TGFBR3: variants seen among roughly 807,000 people sequenced by gnomAD.
TGFBR3 encodes the protein transforming growth factor beta receptor 3.
In TGFBR3, 46 loss-of-function variants were observed where a neutral mutation model predicts 87.9. The ratio of observed to expected loss-of-function variants is 0.52; its 90% CI spans 0.41 to 0.67. TGFBR3 has a LOEUF of 0.67. Among genes scored for constraint, TGFBR3 ranks in the 30% least tolerant of loss-of-function variants. The probability of loss-of-function intolerance (pLI) is 0.00; values close to 1 mark genes in which losing one functional copy is unlikely to be tolerated. For synonymous variants in TGFBR3, 381 were observed against 391.6 expected, an observed-to-expected ratio of 0.97 and a Z score of 0.32; for missense variants, 866 against 1,041.9, an observed-to-expected ratio of 0.83 and a Z score of 2.32.
intron 16 of TGFBR3, among the ~76,000 whole-genome samples, chr1:91,685,314 CCTTT>C (rs1321208468): frequency 1.4e-5 from 2 of 139,282 alleles, no homozygotes; most frequent in Admixed American, 7.1e-5. Flanking sequence ...AGAAGCACTG[CCTTT>C]TTTTTTTTTT....
intron 2 of TGFBR3, among the ~76,000 whole-genome samples, chr1:91,857,736 C>A (rs903355314): frequency 1.1e-4 from 17 of 152,098 alleles, no homozygotes; most frequent in Admixed American, 1.3e-4. Context: ...GTCAAGAGTT[C>A]AAGGTCAACC....
chr1:91,846,203 C>T (rs533669197), intron 2 of TGFBR3, among the ~76,000 whole-genome samples: 2 of 152,352 alleles, frequency 1.3e-5, no homozygotes, highest in South Asian at 4.1e-4. Flanking sequence ...CCAAGCTAAT[C>T]TCTGTACCGT....
At chr1:91,702,761 C>T (rs1671665926) in intron 14 of TGFBR3, among the ~76,000 whole-genome samples, 1 of 151,638 alleles carries the variant, frequency 6.6e-6, no homozygotes, top group South Asian at 2.1e-4. Context: ...ATGTAAAATA[C>T]TGGCCGGGAG....
chr1:91,688,217 T>G (rs1274822693), intron 16 of TGFBR3, among the ~76,000 whole-genome samples: 2 of 152,000 alleles, frequency 1.3e-5, no homozygotes, highest in Non-Finnish European at 1.5e-5. Context: ...CTTTCTATAT[T>G]CCTGCAGTGT....
chr1:91,683,529 T>G lies in TGFBR3; in HGVS notation c.*210A>C. On this transcript the variant is annotated 3_prime_UTR_variant, in exon 17 of 17. Coordinates refer to ENST00000212355, the MANE Select transcript of TGFBR3 (RefSeq NM_003243.5). Reference sequence around the variant, plus strand: ...CTTTCTCACATGAATTCTAGTGTGGTACAGAAGCCCAGGGTCATGTTTATA... The same window carrying G: ...CTTTCTCACATGAATTCTAGTGTGGGACAGAAGCCCAGGGTCATGTTTATA... 1.4e-6 allele frequency: 1 copy of G among 696,268 alleles called. No individual in the cohort carries two copies. The highest frequency in any genetic ancestry group is 1.5e-5 in the South Asian group (1 of 66,636). 43.1% of individuals were successfully genotyped at this position (696,268 alleles called of 1,614,324 possible).
rs565585559 is a variant in TGFBR3, at chr1:91,683,442, T to TG, written c.*296dup. ...CAAAGCAGCATTTTAAAAACTGGCA[T>TG]GTGTTTCACATTGAAAACCCCCAAG... On this transcript the variant is annotated 3_prime_UTR_variant, in exon 17 of 17. Coordinates refer to ENST00000212355, the MANE Select transcript of TGFBR3 (RefSeq NM_003243.5). The TG allele has an allele frequency of 4.9e-4, 300 of 614,070 alleles. 2 individuals carry two copies. Among genetic ancestry groups the TG allele is most frequent in the Admixed American group, 1.8e-3 (84 of 47,240 alleles). The allele number at this position is 614,070 out of a possible 1,614,324, so 38.0% of individuals were successfully genotyped here.
chr1:91,882,520 G>A (rs1027425625), intron 1 of TGFBR3, among the ~76,000 whole-genome samples: 6 of 151,886 alleles, frequency 4.0e-5, no homozygotes, highest in East Asian at 2.0e-4. Context: ...TGAGGTAGGC[G>A]GATCACAAGG....
chr1:91,729,076 A>ACC (rs1166599554), intron 6 of TGFBR3, among the ~76,000 whole-genome samples: 6 of 105,826 alleles, frequency 5.7e-5, no homozygotes, highest in Non-Finnish European at 1.2e-4. Context: ...ACACACACAC[A>ACC]CCAAGCACAC....
In TGFBR3 at chr1:91,682,276, G is replaced by A. The variant is rs920636840; in HGVS notation, c.*1463C>T. The stretch of plus-strand genomic sequence containing the variant: ...GGATTTGCTTATGAATATTTTGGGG[G>A]TAGAATCTATCTTGTTCTACTTATG... On this transcript the variant is annotated 3_prime_UTR_variant, in exon 17 of 17. Coordinates refer to ENST00000212355, the MANE Select transcript of TGFBR3 (RefSeq NM_003243.5). 1.9e-4 allele frequency: 85 copies of A among 454,004 alleles called. No individual in the cohort carries two copies. Among genetic ancestry groups the A allele is most frequent in the Admixed American group, 1.8e-3 (76 of 42,564 alleles). 28.1% of individuals were successfully genotyped at this position (454,004 alleles called of 1,614,324 possible). A position where few individuals can be genotyped will look rare whatever the true frequency, so the allele number is the denominator to read the frequency against.
intron 3 of TGFBR3, among the ~76,000 whole-genome samples, chr1:91,782,585 G>A (rs1013722838): frequency 6.6e-6 from 1 of 152,186 alleles, no homozygotes; most frequent in African/African-American, 2.4e-5. Flanking sequence ...CCTTCATTAA[G>A]TGTTAAATTT....
intron 2 of TGFBR3, among the ~76,000 whole-genome samples, chr1:91,856,359 C>T (rs530842601): frequency 6.6e-6 from 1 of 152,282 alleles, no homozygotes; most frequent in East Asian, 1.9e-4. Flanking sequence ...AGCCACCACG[C>T]CCAGCCGAAA....
chr1:91,858,632 A>C (rs56279721), intron 2 of TGFBR3, among the ~76,000 whole-genome samples: 3 of 124,162 alleles, frequency 2.4e-5, no homozygotes, highest in Non-Finnish European at 3.5e-5. Context: ...AAAAAAAAAA[A>C]ACAAAATTTC....
intron 1 of TGFBR3, among the ~76,000 whole-genome samples, chr1:91,901,218 G>C (rs892005215): frequency 1.3e-5 from 2 of 152,022 alleles, no homozygotes; most frequent in African/African-American, 4.8e-5. Flanking sequence ...TTTTTGTTAG[G>C]TGTATTTTTA....
rs1553158586 is a variant in TGFBR3 at position 91,682,425 on chromosome 1, T to TTTA, written c.*1313_*1314insTAA. 5.3e-4 allele frequency: 225 copies of TTTA among 420,742 alleles called. 2 individuals are homozygous for TTTA. Among genetic ancestry groups the TTTA allele is most frequent in the Non-Finnish European group, 6.3e-4 (136 of 217,254 alleles). 26.1% of individuals were successfully genotyped at this position (420,742 alleles called of 1,614,324 possible). On this transcript the variant is annotated 3_prime_UTR_variant, in exon 17 of 17. Coordinates refer to ENST00000212355, the MANE Select transcript of TGFBR3 (RefSeq NM_003243.5). ...CATTCTTTTTTTTTTTTTTTTTTTTTAACAAGGAGGTATCACTGAGCTTAT... is the reference window on the plus strand; with the variant it reads ...CATTCTTTTTTTTTTTTTTTTTTTTTTTAAACAAGGAGGTATCACTGAGCTTAT...
At chr1:91,828,306 A>G (rs1676721609) in intron 2 of TGFBR3, among the ~76,000 whole-genome samples, 3 of 152,176 alleles carry the variant, frequency 2.0e-5, no homozygotes, top group African/African-American at 7.2e-5. Context: ...ACCCCCGTCA[A>G]TATTTTGGCT....
chr1:91,717,239 T>C (rs1672206456), intron 10 of TGFBR3, among the ~76,000 whole-genome samples: 1 of 152,040 alleles, frequency 6.6e-6, no homozygotes, highest in Non-Finnish European at 1.5e-5. Flanking sequence ...TTAAGAGTTG[T>C]AGAAAGTTTG....
intron 5 of TGFBR3, among the ~76,000 whole-genome samples, chr1:91,733,166 A>C (rs1672833760): frequency 6.6e-6 from 1 of 152,220 alleles, no homozygotes; most frequent in African/African-American, 2.4e-5. Context: ...CTCTGCCTCA[A>C]CTAAACAAGG....
chr1:91,694,663 C>CA (rs1373213675), intron 16 of TGFBR3, among the ~76,000 whole-genome samples: 2 of 152,122 alleles, frequency 1.3e-5, no homozygotes, highest in Admixed American at 1.3e-4. Context: ...CAGCTTGGCC[C>CA]AAGGGGAAGC....
At chr1:91,787,611 T>G (rs952921252) in intron 3 of TGFBR3, among the ~76,000 whole-genome samples, 1 of 152,106 alleles carries the variant, frequency 6.6e-6, no homozygotes, top group Non-Finnish European at 1.5e-5. Context: ...AGCAAAATCC[T>G]AAGACCAGAC....
Sources: gnomAD v4.1 joint callset for allele counts (sites outside exome capture counted in the v4.1 genomes callset) on GRCh38, gnomAD v4.1.1 for gene constraint, MANE v1.5 for transcripts, NCBI Gene and HGNC (gene_info 2026-07-23, HGNC 2026-07-21) for gene names.